Variants in PTBP3 observed in about 807,000 individuals in gnomAD.
PTBP3 encodes the protein polypyrimidine tract binding protein 3.
In PTBP3, 20 loss-of-function variants were observed where a neutral mutation model predicts 58.7. That is an observed-to-expected ratio of 0.34 (90% confidence interval 0.24 to 0.50). The LOEUF (loss-of-function observed/expected upper bound fraction) is 0.50, where lower values mean the gene tolerates loss of function less well. Ranked by LOEUF, PTBP3 falls within the 20% of genes least tolerant of loss-of-function variation. The pLI is 0.98. For synonymous variants in PTBP3, 185 were observed against 219.8 expected (o/e 0.84, Z 1.40); for missense variants, 509 against 637.2 (o/e 0.80, Z 2.17).
chr9:112,326,693 C>CT (rs898354117), intron 1 of PTBP3, among the ~76,000 whole-genome samples: 6 of 152,160 alleles, frequency 3.9e-5, no homozygotes, highest in Non-Finnish European at 5.9e-5. Context: ...AAATCATACT[C>CT]TAATCGCTAC....
intron 8 of PTBP3, among the ~76,000 whole-genome samples, chr9:112,232,803 C>T (rs1835296477): frequency 6.6e-6 from 1 of 152,072 alleles, no homozygotes; most frequent in Non-Finnish European, 1.5e-5. Context: ...ATGTTCTGAG[C>T]TCTCTACTTC....
At chr9:112,274,957 T>C (rs1361786381) in intron 3 of PTBP3, among the ~76,000 whole-genome samples, 2 of 152,230 alleles carry the variant, frequency 1.3e-5, no homozygotes, top group East Asian at 1.9e-4. Flanking sequence ...AATTCACTTT[T>C]TGAACAATTG....
At chr9:112,288,885 T>C (rs1204256501) in intron 2 of PTBP3, among the ~76,000 whole-genome samples, 1 of 152,232 alleles carries the variant, frequency 6.6e-6, no homozygotes, top group Non-Finnish European at 1.5e-5. Context: ...AACCCGCATT[T>C]CTTGCTATGA....
the PTBP3 span, among the ~76,000 whole-genome samples, chr9:112,352,073 A>G: frequency 6.6e-6 from 1 of 150,768 alleles, no homozygotes; most frequent in South Asian, 2.1e-4. Flanking sequence ...AGCTGCCACC[A>G]CTCCCAGCTA....
intron 3 of PTBP3, among the ~76,000 whole-genome samples, chr9:112,270,381 C>CT (rs1241088113): frequency 6.6e-6 from 1 of 152,200 alleles, no homozygotes; most frequent in East Asian, 1.9e-4. Context: ...AACATGGTAT[C>CT]TACATCTTCA....
At chr9:112,255,518 G>A (rs1836311426) in intron 5 of PTBP3, among the ~76,000 whole-genome samples, 1 of 152,102 alleles carries the variant, frequency 6.6e-6, no homozygotes, top group Non-Finnish European at 1.5e-5. Flanking sequence ...ATAACAAATT[G>A]TCTGACCTCC....
chr9:112,231,929 GAA>G (rs1202919632), intron 9 of PTBP3, among the ~76,000 whole-genome samples, 168 bp downstream of exon 9: 1 of 68,938 alleles, frequency 1.5e-5, no homozygotes, highest in Non-Finnish European at 2.9e-5. Flanking sequence ...GAAGAGAAGA[GAA>G]GAGAAGAGAA....
At chr9:112,351,124 TTTA>T in the PTBP3 span, among the ~76,000 whole-genome samples, 2 of 152,220 alleles carry the variant, frequency 1.3e-5, no homozygotes, top group South Asian at 4.1e-4. Context: ...AAGTCCATAC[TTTA>T]TTAAGATTGG....
Position 112,220,832 on chromosome 9 carries a change from G to C in PTBP3, c.*3019C>G. 2 of 971,380 alleles carry C rather than the reference G, an allele frequency of 2.1e-6. No homozygotes were observed. The highest frequency in any genetic ancestry group is 9.5e-5 in the South Asian group (2 of 20,986). The allele number at this position is 971,380 out of a possible 1,614,324, so 60.2% of individuals were successfully genotyped here. ...CTGAATATATATACTTTGTGTAGAA[G>C]TCAAGACACCTTGAAAAGTGATGAC... On this transcript the variant is annotated 3_prime_UTR_variant, in exon 14 of 14. Coordinates refer to ENST00000374257, the MANE Select transcript of PTBP3 (RefSeq NM_001163788.4).
At chr9:112,341,138 T>G in the PTBP3 span, among the ~76,000 whole-genome samples, 3 of 152,130 alleles carry the variant, frequency 2.0e-5, no homozygotes, top group Non-Finnish European at 2.9e-5. Context: ...ATTTGTTTTG[T>G]TTTGTTTGTT....
At position 112,222,094 on chromosome 9, in the gene PTBP3, T is replaced by A; in HGVS notation, c.*1757A>T. On this transcript the variant is annotated 3_prime_UTR_variant, in exon 14 of 14. Transcript: ENST00000374257. Reference sequence around the variant, plus strand: ...ACAGGCGCACAGGCGCACACCACCATGCCCAGCAAGATATTCTTTATTCTT... The same window carrying A: ...ACAGGCGCACAGGCGCACACCACCAAGCCCAGCAAGATATTCTTTATTCTT... 1.0e-6 allele frequency: 1 copy of A among 984,958 alleles called. No homozygotes were observed. Among genetic ancestry groups the A allele is most frequent in the Middle Eastern group, 5.2e-4 (1 of 1,914 alleles). The allele number at this position is 984,958 out of a possible 1,614,324, so 61.0% of individuals were successfully genotyped here. A position where few individuals can be genotyped will look rare whatever the true frequency, so the allele number is the denominator to read the frequency against.
chr9:112,347,279 TA>T, the PTBP3 span, among the ~76,000 whole-genome samples: 1 of 151,392 alleles, frequency 6.6e-6, no homozygotes, highest in South Asian at 2.1e-4. Flanking sequence ...TAAAATACCA[TA>T]GGCAATGATA....
chr9:112,297,024 A>G (rs1828717666), intron 2 of PTBP3, among the ~76,000 whole-genome samples: 1 of 152,108 alleles, frequency 6.6e-6, no homozygotes, highest in Admixed American at 6.5e-5. Context: ...ATAATAATAA[A>G]TCCTCTTCAC....
At position 112,297,826 on chromosome 9, in the gene PTBP3, A is replaced by AC; in HGVS notation, c.34+5dup. The AC allele has an allele frequency of 6.5e-7, 1 of 1,548,334 alleles. No individual in the cohort carries two copies. The highest frequency in any genetic ancestry group is 8.7e-7 in the Non-Finnish European group (1 of 1,154,034). ...ATCAAATATTAAAAAAAAAAAAAAA[A>AC]CTCACCATACACACCTGTAGAAGGA... On this transcript the variant is annotated splice_donor_region_variant and intron_variant, in intron 2 of 13. Transcript: ENST00000374257.
intron 7 of PTBP3, among the ~76,000 whole-genome samples, chr9:112,247,100 G>A (rs893737438): frequency 1.3e-5 from 2 of 151,924 alleles, no homozygotes; most frequent in Admixed American, 1.3e-4. Context: ...CGGGTATGAT[G>A]GTGAGTGACT....
intron 7 of PTBP3, 83 bp downstream of exon 7, chr9:112,250,846 A>C: frequency 8.0e-7 from 1 of 1,252,354 alleles, no homozygotes; most frequent in African/African-American, 1.5e-5. Flanking sequence ...GAGAAGAAAA[A>C]GGCTTATAAA....
At chr9:112,333,758 C>G, upstream of PTBP3, 1 of 302,492 alleles carries the variant, frequency 3.3e-6, no homozygotes, top group Non-Finnish European at 6.0e-6. Flanking sequence ...CCTGCGCTCG[C>G]GCCCACCCTC....
the PTBP3 span, among the ~76,000 whole-genome samples, chr9:112,342,171 C>A: frequency 6.6e-6 from 1 of 152,186 alleles, no homozygotes; most frequent in Non-Finnish European, 1.5e-5. Context: ...AGTTCTCCAG[C>A]CTTTGGACTC....
chr9:112,379,101 A>C, the PTBP3 span, among the ~76,000 whole-genome samples: 1 of 152,320 alleles, frequency 6.6e-6, no homozygotes, highest in African/African-American at 2.4e-5. Context: ...AGGGAGGAGA[A>C]TCACTTGAAC....
Sources: gnomAD v4.1 joint callset for allele counts (sites outside exome capture counted in the v4.1 genomes callset) on GRCh38, gnomAD v4.1.1 for gene constraint, MANE v1.5 for transcripts, NCBI Gene and HGNC (gene_info 2026-07-23, HGNC 2026-07-21) for gene names.